Variants in GRIN2B observed in about 807,000 individuals in gnomAD.
GRIN2B encodes the protein glutamate receptor ionotropic, NMDA 2B.
Under a neutral mutation model 114.5 loss-of-function variants are expected in GRIN2B, and 5 were observed. The ratio of observed to expected loss-of-function variants is 0.04; its 90% confidence interval spans 0.02 to 0.09. The LOEUF (loss-of-function observed/expected upper bound fraction) is 0.09, where lower values mean the gene tolerates loss of function less well. Ranked by LOEUF, GRIN2B falls within the 10% of genes least tolerant of loss-of-function variation. The probability of loss-of-function intolerance (pLI) is 1.00; values close to 1 mark genes in which losing one functional copy is unlikely to be tolerated. For missense variants in GRIN2B, 1,108 were observed against 1,943.5 expected (o/e 0.57, Z 8.08); for synonymous variants, 787 against 745.1 (o/e 1.06, Z -0.92).
intron 2 of GRIN2B, among the ~76,000 whole-genome samples, chr12:13,933,701 G>A (rs549369516): frequency 2.0e-5 from 3 of 152,192 alleles, no homozygotes; most frequent in Non-Finnish European, 4.4e-5. Context: ...AAGTAAAGTA[G>A]AGGCCCATGG....
At chr12:13,593,342 C>T (rs1268113114) in intron 10 of GRIN2B, among the ~76,000 whole-genome samples, 1 of 152,138 alleles carries the variant, frequency 6.6e-6, no homozygotes, top group Non-Finnish European at 1.5e-5. Context: ...GGTACCAAAA[C>T]AGATATATAG....
chr12:13,780,834 CA>C (rs200061187), intron 3 of GRIN2B, among the ~76,000 whole-genome samples: 3,231 of 84,616 alleles, frequency 0.038, 56 homozygotes, highest in African/African-American at 0.1. Context: ...CAGGTTTTGC[CA>C]AAAAAAAAAA....
chr12:13,642,227 A>G (rs1245122642), intron 5 of GRIN2B, among the ~76,000 whole-genome samples: 1 of 152,086 alleles, frequency 6.6e-6, no homozygotes, highest in Non-Finnish European at 1.5e-5. Context: ...CAAACAAGCT[A>G]GCTAACTAAA....
chr12:13,842,473 TTC>T (rs10580486), intron 3 of GRIN2B, among the ~76,000 whole-genome samples: 30,056 of 152,098 alleles, frequency 0.2, 3,322 homozygotes, highest in South Asian at 0.3. Context: ...CTCATCTAAT[TTC>T]TGTGCCATTT....
At chr12:13,565,400 G>A (rs759879661) in intron 13 of GRIN2B, among the ~76,000 whole-genome samples, 1 of 152,152 alleles carries the variant, frequency 6.6e-6, no homozygotes, top group African/African-American at 2.4e-5. Context: ...TTTAGCTCCT[G>A]TTTTCCTTCT....
intron 3 of GRIN2B, among the ~76,000 whole-genome samples, chr12:13,835,271 G>A (rs924907890): frequency 2.0e-5 from 3 of 152,040 alleles, no homozygotes; most frequent in African/African-American, 7.2e-5. Flanking sequence ...TTCTTGATTT[G>A]AAGTTCATAT....
At chr12:13,648,852 T>C (rs1949788039) in intron 5 of GRIN2B, among the ~76,000 whole-genome samples, 1 of 152,076 alleles carries the variant, frequency 6.6e-6, no homozygotes, top group South Asian at 2.1e-4. Context: ...AGCCTTATTG[T>C]TACATCTCCT....
At chr12:13,619,522 C>T (rs1329663174) in intron 5 of GRIN2B, among the ~76,000 whole-genome samples, 14 of 152,254 alleles carry the variant, frequency 9.2e-5, no homozygotes, top group African/African-American at 1.2e-4. Context: ...AGTTTGTTCA[C>T]GCAGTTCCCT....
chr12:13,604,159 C>G (rs1299471623), intron 10 of GRIN2B, among the ~76,000 whole-genome samples: 3 of 152,072 alleles, frequency 2.0e-5, no homozygotes, highest in Admixed American at 6.6e-5. Context: ...TCCCTTACAC[C>G]CTCCTCCCAC....
At chr12:13,841,059 C>T (rs1005581179) in intron 3 of GRIN2B, among the ~76,000 whole-genome samples, 1 of 152,118 alleles carries the variant, frequency 6.6e-6, no homozygotes, top group Non-Finnish European at 1.5e-5. Flanking sequence ...AATGATATGA[C>T]ATGATATTAA....
intron 4 of GRIN2B, among the ~76,000 whole-genome samples, chr12:13,728,835 C>G (rs1248132220): frequency 6.6e-6 from 1 of 152,168 alleles, no homozygotes; most frequent in Non-Finnish European, 1.5e-5. Flanking sequence ...AGTCAGAATG[C>G]CCAAATAACC....
rs1245734016 is a variant in GRIN2B, at chr12:13,540,034, G to T, written c.*22749C>A. ...TTGTTTCAGAATAATACATGAGGGG[G>T]AGATGAGTGTAACCAAGGGCTCCAG... On this transcript the variant is annotated 3_prime_UTR_variant, in exon 14 of 14. Transcript: ENST00000609686. 1 of 152,196 alleles carries T rather than the reference G, an allele frequency of 6.6e-6. No homozygotes were observed. Among genetic ancestry groups the T allele is most frequent in the African/African-American group, 2.4e-5 (1 of 41,454 alleles). The allele number at this position is 152,196 out of a possible 1,614,324, so 9.4% of individuals were successfully genotyped here.
At chr12:13,859,699 A>T (rs1181131794) in intron 3 of GRIN2B, among the ~76,000 whole-genome samples, 3 of 152,172 alleles carry the variant, frequency 2.0e-5, no homozygotes, top group Non-Finnish European at 2.9e-5. Context: ...ATTGTTGTAG[A>T]TGTGTGACTT....
At chr12:13,775,058 C>A (rs904675684) in intron 3 of GRIN2B, among the ~76,000 whole-genome samples, 1 of 151,992 alleles carries the variant, frequency 6.6e-6, no homozygotes, top group Non-Finnish European at 1.5e-5. Context: ...GGATTAGAGG[C>A]CAATTCCAGC....
chr12:13,912,969 G>A (rs187877736), intron 2 of GRIN2B, among the ~76,000 whole-genome samples: 37 of 152,180 alleles, frequency 2.4e-4, no homozygotes, highest in Non-Finnish European at 3.4e-4. Flanking sequence ...ATACCTCAGT[G>A]GGTTTGGTAA....
intron 3 of GRIN2B, among the ~76,000 whole-genome samples, chr12:13,817,193 G>T (rs1864840334): frequency 6.6e-6 from 1 of 152,084 alleles, no homozygotes; most frequent in African/African-American, 2.4e-5. Context: ...AGGAAGCATG[G>T]GCTCTTTAGC....
chr12:13,792,007 C>T (rs1864330381), intron 3 of GRIN2B, among the ~76,000 whole-genome samples: 1 of 152,210 alleles, frequency 6.6e-6, no homozygotes, highest in African/African-American at 2.4e-5. Flanking sequence ...TATTCTCTAG[C>T]TTCATGAAAT....
In GRIN2B at chr12:13,865,648, A is replaced by G. The variant is rs907368631; in HGVS notation, c.411+150T>C. On this transcript the variant is annotated intron_variant, in intron 3 of 13. Coordinates refer to ENST00000609686, the MANE Select transcript of GRIN2B (RefSeq NM_000834.5). ...ACTCTGTCTCAAAGAGAGAGAGAGAAAAAAAAAGGATTAATTGCTGGCCTA... is the reference window on the plus strand; with the variant it reads ...ACTCTGTCTCAAAGAGAGAGAGAGAGAAAAAAAGGATTAATTGCTGGCCTA... 2.5e-4 allele frequency: 196 copies of G among 781,312 alleles called. 1 individual carries two copies. The highest frequency in any genetic ancestry group is 1.4e-3 in the Middle Eastern group (4 of 2,792). The allele number at this position is 781,312 out of a possible 1,614,324, so 48.4% of individuals were successfully genotyped here.
rs575125375 is a variant in GRIN2B at position 13,977,998 on chromosome 12, A to G, written c.-19+1930T>C. ...AACCTGGCTTCATCCATTGGCATTCAAGATAAATGAGGTAGCTGAGATCCT... is the reference window on the plus strand; with the variant it reads ...AACCTGGCTTCATCCATTGGCATTCGAGATAAATGAGGTAGCTGAGATCCT... On this transcript the variant is annotated intron_variant, in intron 2 of 13. Coordinates refer to ENST00000609686, the MANE Select transcript of GRIN2B (RefSeq NM_000834.5). Among the ~76,000 whole-genome samples the G allele has an allele frequency of 2.6e-5, 4 of 152,266 alleles. No homozygotes were observed. The South Asian group carries it at 8.3e-4, about 32-fold the overall frequency.
Sources: allele counts gnomAD v4.1 joint callset (sites outside exome capture counted in the v4.1 genomes callset), GRCh38; gene constraint gnomAD v4.1.1; transcripts MANE v1.5; gene names NCBI Gene and HGNC (gene_info 2026-07-23, HGNC 2026-07-21).